SPATA33: variants seen among roughly 807,000 people sequenced by gnomAD.
The protein encoded by SPATA33 is spermatogenesis associated 33, also known as spermatogenesis-associated protein 33.
Under a neutral mutation model 8.9 loss-of-function variants are expected in SPATA33, and 10 were observed. The ratio of observed to expected loss-of-function variants is 1.12; its 90% CI spans 0.69 to 1.90. The LOEUF (loss-of-function observed/expected upper bound fraction) is 1.90, where lower values mean the gene tolerates loss of function less well. Ranked by LOEUF, SPATA33 falls within the 40% of genes most tolerant of loss-of-function variation. SPATA33 has a pLI of 0.00. For missense variants in SPATA33, 241 were observed against 178.3 expected (o/e 1.35, Z -2.00); for synonymous variants, 96 against 72.8 (o/e 1.32, Z -1.63).
In SPATA33 at chr16:89,661,341, C is replaced by T. The variant is rs146552749; in HGVS notation, c.211+2920C>T. ...TTTTCGTGATAGTGAATGAGTGTCACGAGATCCGATGGTTTTAAAAACGGG... is the reference window on the plus strand; with the variant it reads ...TTTTCGTGATAGTGAATGAGTGTCATGAGATCCGATGGTTTTAAAAACGGG... On this transcript the variant is annotated intron_variant, in intron 2 of 2. Coordinates refer to ENST00000579310, the MANE Select transcript of SPATA33 (RefSeq NM_001271907.2). 10 of 394,432 alleles carry T rather than the reference C, an allele frequency of 2.5e-5. No individual in the cohort carries two copies. In the East Asian group the frequency reaches 1.6e-3, roughly 64 times the overall value. 24.4% of individuals were successfully genotyped at this position (394,432 alleles called of 1,614,324 possible).
intron 1 of SPATA33, 56 bp from the exon 2 acceptor site, chr16:89,658,192 C>T (rs2059909143): frequency 5.6e-6 from 9 of 1,605,272 alleles, no homozygotes; most frequent in Non-Finnish European, 7.7e-6. Context: ...GACGATGGGA[C>T]CCACTGCCCT....
chr16:89,667,769 G>T (rs1227851195), intron 2 of SPATA33, among the ~76,000 whole-genome samples: 1 of 152,252 alleles, frequency 6.6e-6, no homozygotes, highest in Non-Finnish European at 1.5e-5. Context: ...AGAGGGGGAG[G>T]CCAAGGCCTG....
intron 2 of SPATA33, among the ~76,000 whole-genome samples, chr16:89,662,673 C>T (rs372995821): frequency 4.7e-4 from 71 of 152,332 alleles, no homozygotes; most frequent in South Asian, 1.9e-3. Context: ...CTGATCCACC[C>T]GCCTCGGCCT....
chr16:89,669,488 C>T lies in SPATA33; in HGVS notation c.414C>T (p.Leu138=). 6.2e-7 allele frequency: 1 copy of T among 1,612,622 alleles called. No homozygotes were observed. Among genetic ancestry groups the T allele is most frequent in the Non-Finnish European group, 8.5e-7 (1 of 1,179,996 alleles). ...CAGCAGACGCCTATAATTCACATCTCAAAGAATAAACAAGCACCTTTGCAT... is the reference window on the plus strand; with the variant it reads ...CAGCAGACGCCTATAATTCACATCTTAAAGAATAAACAAGCACCTTTGCAT... The part of the protein sequence containing the change: ...PSTADAYNSH[L]KE The change falls in exon 3 of 3, where the codon CTC becomes CTT. Residue 138 remains leucine, a synonymous_variant. Coordinates refer to ENST00000579310, the MANE Select transcript of SPATA33 (RefSeq NM_001271907.2).
At chr16:89,660,455 A>G in intron 2 of SPATA33, 1 of 1,231,710 alleles carries the variant, frequency 8.1e-7, no homozygotes, top group Non-Finnish European at 1.0e-6. Context: ...TGGGGGAGGA[A>G]GGTGGACATG....
At chr16:89,665,197 G>A (rs564651322) in intron 2 of SPATA33, among the ~76,000 whole-genome samples, 26 of 152,262 alleles carry the variant, frequency 1.7e-4, no homozygotes, top group African/African-American at 5.5e-4. Context: ...GTTTTGTCAT[G>A]TTGCCCAGGC....
intron 2 of SPATA33, chr16:89,659,782 G>A (rs1357017877): frequency 6.6e-6 from 1 of 152,378 alleles, no homozygotes; most frequent in Admixed American, 6.5e-5. Context: ...AGCTGGGCCT[G>A]GACTGCTTCA....
chr16:89,664,845 G>C (rs531773090), intron 2 of SPATA33, among the ~76,000 whole-genome samples: 1 of 152,330 alleles, frequency 6.6e-6, no homozygotes, highest in Admixed American at 6.5e-5. Flanking sequence ...CTGGAATTCA[G>C]CCTGCGTCCC....
chr16:89,669,394 G>A lies in SPATA33; in HGVS notation c.320G>A (p.Ser107Asn), dbSNP rs745572164. 2.5e-6 allele frequency: 4 copies of A among 1,614,222 alleles called. No homozygotes were observed. The highest frequency in any genetic ancestry group is 3.3e-5 in the Admixed American group (2 of 60,026). Residue 107 changes from serine to asparagine, a missense_variant, in exon 3 of 3, where the codon AGT (serine) becomes AAT (asparagine). Coordinates refer to ENST00000579310, the MANE Select transcript of SPATA33 (RefSeq NM_001271907.2). Reference sequence around the variant, plus strand: ...CTAGTCAGTTGCAGTTCCAGCGGGAGTGACCAGCAGAGAACCATTCGGGAG... The same window carrying A: ...CTAGTCAGTTGCAGTTCCAGCGGGAATGACCAGCAGAGAACCATTCGGGAG... ...ETLVSCSSSG[S>N]DQQRTIREPE...
At chr16:89,667,252 G>A (rs1472992905) in intron 2 of SPATA33, among the ~76,000 whole-genome samples, 1 of 152,156 alleles carries the variant, frequency 6.6e-6, no homozygotes, top group East Asian at 1.9e-4. Flanking sequence ...CATAACAAAA[G>A]GCTCACACTC....
chr16:89,664,931 TTGG>T (rs893801419), intron 2 of SPATA33, among the ~76,000 whole-genome samples: 5 of 152,184 alleles, frequency 3.3e-5, no homozygotes, highest in Non-Finnish European at 5.9e-5. Context: ...AGCCCTGAAG[TTGG>T]TGGTGATTTG....
Position 89,669,379 on chromosome 16 carries a change from G to GCAGTTC in SPATA33, c.309_314dup (p.Ser104_Ser105dup). On this transcript the variant is annotated inframe_insertion, in exon 3 of 3. Coordinates refer to ENST00000579310, the MANE Select transcript of SPATA33 (RefSeq NM_001271907.2). ...GCGTCGAATGAGACGCTAGTCAGTT[G>GCAGTTC]CAGTTCCAGCGGGAGTGACCAGCAG... 6.2e-7 allele frequency: 1 copy of GCAGTTC among 1,614,216 alleles called. No individual in the cohort carries two copies. The highest frequency in any genetic ancestry group is 8.5e-7 in the Non-Finnish European group (1 of 1,180,040).
At chr16:89,669,230 A>G in intron 2 of SPATA33, 56 bp from the exon 3 acceptor site, 3 of 1,509,282 alleles carry the variant, frequency 2.0e-6, no homozygotes, top group Admixed American at 3.4e-5. Flanking sequence ...AGGTGTGTGC[A>G]TCGTGGAAGG....
At chr16:89,663,491 T>G (rs957067574) in intron 2 of SPATA33, among the ~76,000 whole-genome samples, 1 of 151,970 alleles carries the variant, frequency 6.6e-6, no homozygotes, top group African/African-American at 2.4e-5. Context: ...GTGATCCGCT[T>G]GCCTCGGCCT....
At chr16:89,660,833 C>G in intron 2 of SPATA33, 1 of 1,151,152 alleles carries the variant, frequency 8.7e-7, no homozygotes, top group Non-Finnish European at 1.1e-6. Context: ...TAGTCCTGGT[C>G]CCTAAGCCCT....
chr16:89,660,544 G>C (rs989461080), intron 2 of SPATA33: 7 of 1,231,828 alleles, frequency 5.7e-6, no homozygotes, highest in Middle Eastern at 3.1e-4. Flanking sequence ...ATGCAGTGAC[G>C]GGCTGAGCGA....
rs1359176190 is a variant in SPATA33, at chr16:89,658,137, C to G, written c.38-111C>G. The G allele has an allele frequency of 3.2e-6, 5 of 1,538,968 alleles. No homozygotes were observed. The East Asian group carries it at 1.1e-4, about 35-fold the overall frequency. The stretch of plus-strand genomic sequence containing the variant: ...AGGCGGTTACGGAAACGCGGAGACT[C>G]GAGACTTGAAGCCAGCTTATTCTGG... On this transcript the variant is annotated intron_variant, in intron 1 of 2. Coordinates refer to ENST00000579310, the MANE Select transcript of SPATA33 (RefSeq NM_001271907.2).
intron 2 of SPATA33, among the ~76,000 whole-genome samples, chr16:89,665,126 G>A (rs1165977677): frequency 2.6e-5 from 4 of 151,780 alleles, no homozygotes; most frequent in Admixed American, 2.6e-4. Flanking sequence ...TCCCTGAGTA[G>A]CTGGGGCCAC....
rs2151528379 is a variant in SPATA33 at position 89,662,287 on chromosome 16, C to G, written c.211+3866C>G. ...CCAGCCTGGGCAATGGAGTGAGACT[C>G]CATCTCAAAAAAAAAAAAGATACTC... On this transcript the variant is annotated intron_variant, in intron 2 of 2. Coordinates refer to ENST00000579310, the MANE Select transcript of SPATA33 (RefSeq NM_001271907.2). 1.6e-5 allele frequency among the ~76,000 whole-genome samples: 2 copies of G among 121,234 alleles called. 1 individual carries two copies. Among genetic ancestry groups the G allele is most frequent in the South Asian group, 6.5e-4 (2 of 3,094 alleles). The allele number at this position is 121,234 out of a possible 152,430, so 79.5% of individuals were successfully genotyped here.
Sources: allele counts gnomAD v4.1 joint callset (sites outside exome capture counted in the v4.1 genomes callset), GRCh38; gene constraint gnomAD v4.1.1; transcripts MANE v1.5; gene names NCBI Gene and HGNC (gene_info 2026-07-23, HGNC 2026-07-21).